RBFOX1: variants seen among roughly 807,000 people sequenced by gnomAD.
The protein encoded by RBFOX1 is RNA binding protein fox-1 homolog 1.
In RBFOX1, 8 loss-of-function variants were observed where a neutral mutation model predicts 57.7. The ratio of observed to expected loss-of-function variants is 0.14; its 90% CI spans 0.08 to 0.25. The LOEUF is 0.25. Among genes scored for constraint, RBFOX1 ranks in the 10% least tolerant of loss-of-function variants. The pLI, the probability that RBFOX1 is intolerant of heterozygous loss-of-function variation, is 1.00. For missense variants in RBFOX1, 611 were observed against 548.5 expected (o/e 1.11, Z -1.14); for synonymous variants, 326 against 222.4 (o/e 1.47, Z -4.15).
At chr16:6,953,743 A>C (rs2081232301) in intron 3 of RBFOX1, among the ~76,000 whole-genome samples, 1 of 152,224 alleles carries the variant, frequency 6.6e-6, no homozygotes, top group Admixed American at 6.5e-5. Flanking sequence ...TTTTATATAC[A>C]TAATGGGTGT....
Position 6,743,164 on chromosome 16 carries a change from C to T in RBFOX1, c.-16+88514C>T, listed in dbSNP as rs576828604. Among the ~76,000 whole-genome samples, 342 of 151,916 alleles carry T rather than the reference C, an allele frequency of 2.3e-3. 1 individual carries two copies. The highest frequency in any genetic ancestry group is 3.4e-3 in the Middle Eastern group (1 of 292). ...GTGTTACTGTAAACCCTTAAGTTCC[C>T]ACTAAAAAGATGAAATGTAGAGTTA... is the stretch of plus-strand genomic sequence containing the variant. On this transcript the variant is annotated intron_variant, in intron 3 of 15. Transcript: ENST00000550418.
intron 4 of RBFOX1, among the ~76,000 whole-genome samples, chr16:7,135,945 G>A (rs1363971951): frequency 6.6e-6 from 1 of 152,144 alleles, no homozygotes; most frequent in Non-Finnish European, 1.5e-5. Flanking sequence ...CCATTTCATC[G>A]GAAAATAAAG....
chr16:6,859,129 ACATATATATACGTATATATATATG>A (rs1292123942), intron 3 of RBFOX1, among the ~76,000 whole-genome samples: 134 of 75,432 alleles, frequency 1.8e-3, no homozygotes, highest in Middle Eastern at 6.1e-3. Flanking sequence ...ATATATATAT[ACATATATATACGTATATATATATG>A]TATATATATA....
intron 4 of RBFOX1, among the ~76,000 whole-genome samples, chr16:7,453,278 G>A (rs1315840821): frequency 2.0e-5 from 3 of 152,128 alleles, no homozygotes; most frequent in African/African-American, 7.2e-5. Flanking sequence ...CAGGCTGTGG[G>A]ATTGGCATGT....
chr16:6,415,619 T>G (rs2093603315), intron 2 of RBFOX1, among the ~76,000 whole-genome samples: 1 of 152,142 alleles, frequency 6.6e-6, no homozygotes. Context: ...AAGAATCGCT[T>G]GAATCCGGGA....
At chr16:5,523,985 A>G (rs1483795762) in intron 2 of RBFOX1, among the ~76,000 whole-genome samples, 1 of 152,130 alleles carries the variant, frequency 6.6e-6, no homozygotes, top group South Asian at 2.1e-4. Flanking sequence ...GACAAGACAA[A>G]TGGTCTTTAA....
At chr16:6,742,517 C>T (rs1197150531) in intron 3 of RBFOX1, among the ~76,000 whole-genome samples, 1 of 152,068 alleles carries the variant, frequency 6.6e-6, no homozygotes, top group Non-Finnish European at 1.5e-5. Context: ...CCACGAAAAA[C>T]CCCAGAAAGC....
intron 5 of RBFOX1, among the ~76,000 whole-genome samples, chr16:7,521,272 A>G (rs2077461483): frequency 6.6e-6 from 1 of 152,208 alleles, no homozygotes; most frequent in Non-Finnish European, 1.5e-5. Context: ...TTTGGAGGTG[A>G]TGTGGCAAAA....
intron 2 of RBFOX1, among the ~76,000 whole-genome samples, chr16:6,552,009 A>G (rs1005565384): frequency 1.5e-4 from 23 of 152,212 alleles, no homozygotes; most frequent in African/African-American, 5.3e-4. Context: ...CAGAACATCT[A>G]TTAGTTCAGC....
intron 4 of RBFOX1, among the ~76,000 whole-genome samples, chr16:7,355,847 G>C (rs2097205649): frequency 6.6e-6 from 1 of 152,210 alleles, no homozygotes; most frequent in South Asian, 2.1e-4. Context: ...TCAACCTTCA[G>C]GGTCATTTGC....
chr16:6,658,760 C>A (rs1202849199), intron 3 of RBFOX1, among the ~76,000 whole-genome samples: 1 of 152,054 alleles, frequency 6.6e-6, no homozygotes, highest in African/African-American at 2.4e-5. Context: ...TCTTTCGCTT[C>A]CAAGCCCGCC....
At chr16:5,969,939 AGGG>A (rs2059930643) in intron 4 of RBFOX1, among the ~76,000 whole-genome samples, 1 of 151,996 alleles carries the variant, frequency 6.6e-6, no homozygotes, top group Non-Finnish European at 1.5e-5. Flanking sequence ...GAACGTTTGC[AGGG>A]AGTTGACCAC....
At chr16:6,969,196 C>A (rs1389234723) in intron 3 of RBFOX1, among the ~76,000 whole-genome samples, 1 of 152,146 alleles carries the variant, frequency 6.6e-6, no homozygotes, top group Non-Finnish European at 1.5e-5. Flanking sequence ...CTCCTCACTA[C>A]ATTCCCAGTC....
At chr16:5,598,354 A>G (rs2047255968) in intron 2 of RBFOX1, among the ~76,000 whole-genome samples, 1 of 152,166 alleles carries the variant, frequency 6.6e-6, no homozygotes, top group Non-Finnish European at 1.5e-5. Context: ...AGGAGTCCAC[A>G]CTGAGAAACA....
At chr16:7,359,610 C>T (rs928466532) in intron 4 of RBFOX1, among the ~76,000 whole-genome samples, 1 of 152,320 alleles carries the variant, frequency 6.6e-6, no homozygotes, top group East Asian at 1.9e-4. Flanking sequence ...CCACTGTTTG[C>T]TTCCCCTGTC....
At chr16:7,324,734 C>T (rs1053439411) in intron 4 of RBFOX1, among the ~76,000 whole-genome samples, 2 of 152,084 alleles carry the variant, frequency 1.3e-5, no homozygotes, top group East Asian at 3.9e-4. Context: ...AGGCTCCTCA[C>T]TTACAAAACC....
At chr16:6,154,073 G>A (rs1036031206) in intron 1 of RBFOX1, among the ~76,000 whole-genome samples, 1 of 152,232 alleles carries the variant, frequency 6.6e-6, no homozygotes, top group African/African-American at 2.4e-5. Flanking sequence ...CACTGGCATA[G>A]CCTGGTGATT....
chr16:6,595,023 G>C (rs919802264), intron 2 of RBFOX1, among the ~76,000 whole-genome samples: 2 of 152,062 alleles, frequency 1.3e-5, no homozygotes, highest in African/African-American at 2.4e-5. Context: ...TTCTGAGCTC[G>C]TTATCCACCC....
chr16:7,410,054 T>A (rs866260532), intron 4 of RBFOX1, among the ~76,000 whole-genome samples: 45 of 145,326 alleles, frequency 3.1e-4, no homozygotes, highest in African/African-American at 1.0e-3. Flanking sequence ...CATCTTACAT[T>A]GGAGTCTTCA....
Sources: allele counts gnomAD v4.1 joint callset (sites outside exome capture counted in the v4.1 genomes callset), GRCh38; gene constraint gnomAD v4.1.1; transcripts MANE v1.5; gene names NCBI Gene and HGNC (gene_info 2026-07-23, HGNC 2026-07-21).